Variants in ADGRE2 observed in about 807,000 individuals in gnomAD.
The protein encoded by ADGRE2 is CD97 antigen.
In ADGRE2, 83 loss-of-function variants were observed where a neutral mutation model predicts 100.8. The observed-to-expected ratio is 0.82, with a 90% confidence interval of 0.69 to 0.99. The LOEUF is 0.99. ADGRE2 is among the 50% of genes least tolerant of loss of function. The pLI, the probability that ADGRE2 is intolerant of heterozygous loss-of-function variation, is 0.00. For missense variants in ADGRE2, 814 were observed against 1,035.7 expected (o/e 0.79, Z 2.94); for synonymous variants, 355 against 413.0 (o/e 0.86, Z 1.70).
intron 14 of ADGRE2, among the ~76,000 whole-genome samples, chr19:14,754,136 C>T (rs961292255): frequency 2.0e-5 from 3 of 151,338 alleles, no homozygotes; most frequent in Non-Finnish European, 4.4e-5. Flanking sequence ...TTCTCCTGTG[C>T]TGGATGCTTC....
chr19:14,753,295 G>A (rs530433822), intron 14 of ADGRE2, among the ~76,000 whole-genome samples: 121 of 152,108 alleles, frequency 8.0e-4, no homozygotes, highest in African/African-American at 2.8e-3. Context: ...GTGGAGGGGG[G>A]AGCTAGCTTC....
At chr19:14,753,808 A>G (rs1008846453) in intron 14 of ADGRE2, among the ~76,000 whole-genome samples, 61 of 150,372 alleles carry the variant, frequency 4.1e-4, no homozygotes, top group Non-Finnish European at 7.8e-4. Context: ...AAAAAGGCAG[A>G]GTTTACCCTG....
Position 14,736,174 on chromosome 19 carries a change from G to T in ADGRE2, c.*62C>A. 4 of 1,525,258 alleles carry T rather than the reference G, an allele frequency of 2.6e-6. No homozygotes were observed. Among genetic ancestry groups the T allele is most frequent in the Non-Finnish European group, 2.7e-6 (3 of 1,103,180 alleles). 94.5% of individuals were successfully genotyped at this position (1,525,258 alleles called of 1,614,324 possible). ...AAAGTCTTTTCTTTCCCCTCTAGAT[G>T]GCTCAAAGATTGTTCAGATTTTCCA... On this transcript the variant is annotated 3_prime_UTR_variant, in exon 21 of 21. Coordinates refer to ENST00000315576, the MANE Select transcript of ADGRE2 (RefSeq NM_013447.4).
chr19:14,753,592 G>A (rs1168926862), intron 14 of ADGRE2, among the ~76,000 whole-genome samples: 3 of 152,068 alleles, frequency 2.0e-5, no homozygotes, highest in Middle Eastern at 3.4e-3. Context: ...TAAGGAGTTC[G>A]AGACCAGCCT....
rs2042734372 is a variant in ADGRE2 at position 14,735,717 on chromosome 19, C to A, written c.*519G>T. Reference sequence around the variant, plus strand: ...CCATGAAGGCAGGAGCCGTGTCTCTCTTGATCTATGTGTGAGTAATCAATA... The same window carrying A: ...CCATGAAGGCAGGAGCCGTGTCTCTATTGATCTATGTGTGAGTAATCAATA... On this transcript the variant is annotated 3_prime_UTR_variant, in exon 21 of 21. Coordinates refer to ENST00000315576, the MANE Select transcript of ADGRE2 (RefSeq NM_013447.4). The A allele has an allele frequency of 6.6e-6, 1 of 152,262 alleles. No individual in the cohort carries two copies. Among genetic ancestry groups the A allele is most frequent in the East Asian group, 1.9e-4 (1 of 5,212 alleles). The allele number at this position is 152,262 out of a possible 1,614,324, so 9.4% of individuals were successfully genotyped here. A position where few individuals can be genotyped will look rare whatever the true frequency, so the allele number is the denominator to read the frequency against.
chr19:14,756,215 C>T, intron 12 of ADGRE2, 23 bp downstream of exon 12: 1 of 1,525,124 alleles, frequency 6.6e-7, no homozygotes. Context: ...CTTCACTGAC[C>T]ACCTCCCCAT....
intron 18 of ADGRE2, 125 bp from the exon 19 acceptor site, chr19:14,743,909 G>T: frequency 1.1e-6 from 1 of 902,584 alleles, no homozygotes; most frequent in Non-Finnish European, 1.7e-6. Context: ...GCTGTGGTCA[G>T]CTTAGATATT....
At chr19:14,766,629 G>A (rs896794923) in intron 6 of ADGRE2, among the ~76,000 whole-genome samples, 1 of 152,210 alleles carries the variant, frequency 6.6e-6, no homozygotes, top group Admixed American at 6.5e-5. Context: ...TGAGTCATGG[G>A]AGCTGGACTT....
intron 11 of ADGRE2, among the ~76,000 whole-genome samples, chr19:14,763,878 G>A (rs577907423): frequency 0.021 from 366 of 17,802 alleles, 4 homozygotes; most frequent in Non-Finnish European, 0.02. Context: ...TCCTCCTCCC[G>A]TCCTCTTCCT....
chr19:14,734,875 C>G lies in ADGRE2; in HGVS notation c.*1361G>C, dbSNP rs1490900311. 1 of 152,258 alleles carries G rather than the reference C, an allele frequency of 6.6e-6. No homozygotes were observed. Among genetic ancestry groups the G allele is most frequent in the South Asian group, 2.1e-4 (1 of 4,830 alleles). 9.4% of individuals were successfully genotyped at this position (152,258 alleles called of 1,614,324 possible). On this transcript the variant is annotated 3_prime_UTR_variant, in exon 21 of 21. Coordinates refer to ENST00000315576, the MANE Select transcript of ADGRE2 (RefSeq NM_013447.4). ...CTTGAGAAGGCGGTGTCTGATTTACCTAGGGCCTACCCCTATGTGAGCTGG... is the reference window on the plus strand; with the variant it reads ...CTTGAGAAGGCGGTGTCTGATTTACGTAGGGCCTACCCCTATGTGAGCTGG...
At chr19:14,743,813 A>T in intron 18 of ADGRE2, 29 bp from the exon 19 acceptor site, 1 of 1,608,460 alleles carries the variant, frequency 6.2e-7, no homozygotes, top group Non-Finnish European at 8.5e-7. Context: ...GAGGCTGGTG[A>T]TGCACCCAGA....
At chr19:14,730,653 A>AT (rs2042663159), downstream of ADGRE2, among the ~76,000 whole-genome samples, 1 of 152,100 alleles carries the variant, frequency 6.6e-6, no homozygotes, top group Non-Finnish European at 1.5e-5. Context: ...ATCAACAGTG[A>AT]TTTTTTTAAT....
the ADGRE2 span, among the ~76,000 whole-genome samples, chr19:14,727,177 G>A: frequency 4.6e-5 from 7 of 151,970 alleles, no homozygotes; most frequent in East Asian, 1.9e-4. Context: ...ACAGGTGTCC[G>A]CCACCACGCC....
intron 11 of ADGRE2, among the ~76,000 whole-genome samples, chr19:14,761,387 C>T (rs1351515376): frequency 1.3e-5 from 2 of 152,130 alleles, no homozygotes; most frequent in Non-Finnish European, 2.9e-5. Flanking sequence ...GCCTGGTTGA[C>T]AGAGCAAGAC....
intron 20 of ADGRE2, among the ~76,000 whole-genome samples, chr19:14,736,934 AAT>A (rs906662140): frequency 2.7e-5 from 3 of 110,982 alleles, no homozygotes; most frequent in African/African-American, 6.2e-5. Context: ...TATATTTAGA[AAT>A]ATATATGACT....
intron 16 of ADGRE2, among the ~76,000 whole-genome samples, chr19:14,750,636 C>T (rs2043256868): frequency 6.6e-6 from 1 of 152,118 alleles, no homozygotes; most frequent in South Asian, 2.1e-4. Context: ...TAAATCTTAA[C>T]TATGACAATA....
intron 11 of ADGRE2, among the ~76,000 whole-genome samples, chr19:14,758,884 C>CAA (rs77345554): frequency 4.5e-5 from 5 of 110,438 alleles, no homozygotes; most frequent in African/African-American, 1.2e-4. Flanking sequence ...GACTCCGTCT[C>CAA]AAAAAAAAAA....
chr19:14,731,494 G>A, downstream of ADGRE2: 1 of 367,448 alleles, frequency 2.7e-6, no homozygotes. Flanking sequence ...CAGAAAGGGG[G>A]AAAACAGCCA....
At chr19:14,774,674 T>TTTTC (rs139350304) in intron 2 of ADGRE2, among the ~76,000 whole-genome samples, 2 of 69,062 alleles carry the variant, frequency 2.9e-5, no homozygotes. Context: ...ATATTTTAAA[T>TTTTC]TTTCTTTCTT....
Sources: allele counts gnomAD v4.1 joint callset (sites outside exome capture counted in the v4.1 genomes callset), GRCh38; gene constraint gnomAD v4.1.1; transcripts MANE v1.5; gene names NCBI Gene and HGNC (gene_info 2026-07-23, HGNC 2026-07-21).